Variants in THAP7 observed in about 807,000 individuals in gnomAD.
THAP7 encodes the protein THAP domain containing 7, also known as THAP domain-containing protein 7.
A neutral mutation model predicts 29.2 loss-of-function variants in THAP7; 22 were observed. The observed-to-expected ratio is 0.75, with a 90% confidence interval of 0.54 to 1.08. The LOEUF is 1.08. Ranked by LOEUF, THAP7 falls within the 50% of genes least tolerant of loss-of-function variation. The probability of loss-of-function intolerance (pLI) is 0.00; values close to 1 mark genes in which losing one functional copy is unlikely to be tolerated. For synonymous variants in THAP7, 208 were observed against 173.4 expected (o/e 1.20, Z -1.57); for missense variants, 448 against 416.2 (o/e 1.08, Z -0.66).
At chr22:21,001,463 T>A in intron 1 of THAP7, 52 bp from the exon 2 acceptor site, 1 of 1,590,170 alleles carries the variant, frequency 6.3e-7, no homozygotes, top group Non-Finnish European at 8.6e-7. Flanking sequence ...CCTGGGCTCA[T>A]GCTGCCCAAG....
Position 21,000,718 on chromosome 22 carries a change from T to G in THAP7, c.306A>C (p.Thr102=), listed in dbSNP as rs1316543452. ...GGTAACTGTGTCCTTTGGTCTTGGT[T>G]GTCCGGCGCAACTTGGAGAAAGACT... is the stretch of plus-strand genomic sequence containing the variant. The part of the protein sequence containing the change: ...IFESFSKLRR[T]TKTKGHSYPP... The change falls in exon 3 of 4, where the codon ACA becomes ACC. Residue 102 remains threonine, a synonymous_variant. Coordinates refer to ENST00000215742, the MANE Select transcript of THAP7 (RefSeq NM_030573.3). 3.1e-6 allele frequency: 5 copies of G among 1,614,182 alleles called. No individual in the cohort carries two copies. Among genetic ancestry groups the G allele is most frequent in the Non-Finnish European group, 4.2e-6 (5 of 1,180,024 alleles).
chr22:21,002,095 A>C lies in THAP7; in HGVS notation c.-184T>G. The stretch of plus-strand genomic sequence containing the variant: ...TGTCAGCGGCACTCACGCTCTGGCC[A>C]TTGCTGCGCCGCCGAAGTCTCGCGA... On this transcript the variant is annotated 5_prime_UTR_variant, in exon 1 of 4. An upstream start codon of the reference 5' UTR is lost. Transcript: ENST00000215742. 3.4e-6 allele frequency: 2 copies of C among 589,980 alleles called. No homozygotes were observed. Among genetic ancestry groups the C allele is most frequent in the South Asian group, 4.6e-5 (2 of 43,792 alleles). 36.5% of individuals were successfully genotyped at this position (589,980 alleles called of 1,614,324 possible).
chr22:21,000,407 T>G lies in THAP7; in HGVS notation c.403A>C (p.Thr135Pro). The G allele has an allele frequency of 6.4e-7, 1 of 1,552,846 alleles. No individual in the cohort carries two copies. The highest frequency in any genetic ancestry group is 8.7e-7 in the Non-Finnish European group (1 of 1,148,828). The stretch of plus-strand genomic sequence containing the variant: ...GCAGGTGGAGGTGGAGAAAATGGAG[T>G]TGTGGGCCCTCGGCCCTCGGAGCAG... ...KRCSEGRGPT[T>P]PFSPPPPADV... is the part of the protein sequence containing the mutation. Residue 135 changes from threonine (T) to proline (P), a missense_variant, in exon 4 of 4, where the codon ACT (threonine) becomes CCT (proline). Transcript: ENST00000215742.
chr22:21,001,185 T>C lies in THAP7; in HGVS notation c.236+71A>G, dbSNP rs543278353. On this transcript the variant is annotated intron_variant, in intron 2 of 3. Coordinates refer to ENST00000215742, the MANE Select transcript of THAP7 (RefSeq NM_030573.3). ...ACGCAGGCTGCTCAAGGGACTTCCATGACCTGCAGCTGTCCCAGTCCGCCG... is the reference window on the plus strand; with the variant it reads ...ACGCAGGCTGCTCAAGGGACTTCCACGACCTGCAGCTGTCCCAGTCCGCCG... 2.3e-5 allele frequency: 37 copies of C among 1,584,444 alleles called. No homozygotes were observed. In the Admixed American group the frequency reaches 4.1e-4, roughly 18 times the overall value.
chr22:21,000,686 C>G lies in THAP7; in HGVS notation c.338G>C (p.Gly113Ala). 1.2e-6 allele frequency: 2 copies of G among 1,614,134 alleles called. No homozygotes were observed. The highest frequency in any genetic ancestry group is 2.7e-5 in the African/African-American group (2 of 75,044). ...TKTKGHSYPPGPAEVSRLRRC... is the reference protein window; with the variant it reads ...TKTKGHSYPPAPAEVSRLRRC... ...TCTGAGCCGGCTGACTTCAGCGGGG[C>G]CAGGTGGGTAACTGTGTCCTTTGGT... The change falls in exon 3 of 4, where the codon GGC becomes GCC. Residue 113 changes from glycine (G) to alanine (A), a missense_variant. Transcript: ENST00000215742.
intron 1 of THAP7, chr22:21,001,617 G>T: frequency 1.1e-6 from 1 of 901,658 alleles, no homozygotes; most frequent in Non-Finnish European, 1.6e-6. Context: ...CATCTGGCAG[G>T]TAACAGAGTG....
At position 21,000,194 on chromosome 22, in the gene THAP7, G is replaced by T. The variant is rs1305915313; in HGVS notation, c.616C>A (p.Pro206Thr). The change falls in exon 4 of 4, where the codon CCA becomes ACA. Residue 206 changes from proline (P) to threonine (T), a missense_variant. Physicochemically the swap from Pro to Thr is conservative, Grantham distance 38. Transcript: ENST00000215742. Reference sequence around the variant, plus strand: ...TACGCTGAGGGGGAGACTGGCCGTGGTTCGAGAGGGGAGGGCTGCCGCTCT... The same window carrying T: ...TACGCTGAGGGGGAGACTGGCCGTGTTTCGAGAGGGGAGGGCTGCCGCTCT... ...SPERQPSPLE[P>T]RPVSPSAYML... 5 of 1,560,544 alleles carry T rather than the reference G, an allele frequency of 3.2e-6. No homozygotes were observed. Among genetic ancestry groups the T allele is most frequent in the Non-Finnish European group, 4.3e-6 (5 of 1,152,560 alleles).
At chr22:21,001,477 C>T in intron 1 of THAP7, 66 bp from the exon 2 acceptor site, 1 of 1,558,138 alleles carries the variant, frequency 6.4e-7, no homozygotes, top group South Asian at 1.2e-5. Context: ...GCCCAAGCAC[C>T]CCAGAGGGGA....
intron 2 of THAP7, 115 bp downstream of exon 2, chr22:21,001,141 C>A (rs1925141904): frequency 6.8e-7 from 1 of 1,461,346 alleles, no homozygotes; most frequent in Non-Finnish European, 9.3e-7. Flanking sequence ...GAGCTGGGAA[C>A]AGGAAACAGC....
chr22:21,000,921 G>T (rs916432459), intron 2 of THAP7, 134 bp from the exon 3 acceptor site: 6 of 1,388,748 alleles, frequency 4.3e-6, no homozygotes, highest in Non-Finnish European at 5.9e-6. Context: ...CCAAGTTACA[G>T]CTACACCAAT....
In THAP7 at chr22:21,002,094, C is replaced by G. The variant is rs1415987744; in HGVS notation, c.-183G>C. The G allele has an allele frequency of 1.7e-6, 1 of 590,738 alleles. No homozygotes were observed. Among genetic ancestry groups the G allele is most frequent in the African/African-American group, 2.0e-5 (1 of 50,544 alleles). The allele number at this position is 590,738 out of a possible 1,614,324, so 36.6% of individuals were successfully genotyped here. A position where few individuals can be genotyped will look rare whatever the true frequency, so the allele number is the denominator to read the frequency against. On this transcript the variant is annotated 5_prime_UTR_variant, in exon 1 of 4. The change abolishes an upstream ATG in the 5' untranslated region. Transcript: ENST00000215742. ...CTGTCAGCGGCACTCACGCTCTGGC[C>G]ATTGCTGCGCCGCCGAAGTCTCGCG... is the stretch of plus-strand genomic sequence containing the variant.
At chr22:21,001,097 G>A in intron 2 of THAP7, 159 bp downstream of exon 2, 1 of 1,110,960 alleles carries the variant, frequency 9.0e-7, no homozygotes, top group Non-Finnish European at 1.3e-6. Flanking sequence ...TGTGTCACAG[G>A]CACAGTGATC....
Position 21,000,021 on chromosome 22 carries a change from C to A in THAP7, c.789G>T (p.Arg263=), listed in dbSNP as rs189794457. Residue 263 remains arginine, a synonymous_variant, in exon 4 of 4, where the codon CGG becomes CGT. Coordinates refer to ENST00000215742, the MANE Select transcript of THAP7 (RefSeq NM_030573.3). ...GTCTCAACCGCAGCCGCTGCTCCCG[C>A]CGCTTGCAGGCCTGCAGCTGGCGCT... ...KAQRQLQACK[R]REQRLRLRLT... is the part of the protein sequence containing the mutation. 1.2e-6 allele frequency: 2 copies of A among 1,612,940 alleles called. No homozygotes were observed. The highest frequency in any genetic ancestry group is 1.3e-5 in the African/African-American group (1 of 75,066).
At chr22:21,001,514 G>A (rs975135640) in intron 1 of THAP7, 103 bp from the exon 2 acceptor site, 60 of 1,490,244 alleles carry the variant, frequency 4.0e-5, no homozygotes, top group Admixed American at 8.6e-5. Context: ...GCGCCGCCAC[G>A]AGACCTCCCT....
chr22:21,000,951 T>G, intron 2 of THAP7, 164 bp from the exon 3 acceptor site: 1 of 1,114,414 alleles, frequency 9.0e-7, no homozygotes, highest in East Asian at 2.5e-5. Flanking sequence ...GCAGGACTCC[T>G]CACAGTCCAG....
chr22:21,000,481 A>G (rs1336365053), intron 3 of THAP7, 49 bp from the exon 4 acceptor site: 1 of 1,536,946 alleles, frequency 6.5e-7, no homozygotes, highest in Non-Finnish European at 8.7e-7. Flanking sequence ...AGGGCTTGCC[A>G]GACCCCCCTC....
intron 1 of THAP7, 144 bp downstream of exon 1, chr22:21,001,688 C>T (rs1048256358): frequency 8.7e-6 from 9 of 1,030,734 alleles, no homozygotes; most frequent in Non-Finnish European, 1.1e-5. Flanking sequence ...TCAGTCCCGC[C>T]GGGACCGTTC....
chr22:20,999,992 G>A lies in THAP7; in HGVS notation c.818C>T (p.Thr273Ile), dbSNP rs138377774. 6.2e-7 allele frequency: 1 copy of A among 1,612,784 alleles called. No individual in the cohort carries two copies. The highest frequency in any genetic ancestry group is 1.3e-5 in the African/African-American group (1 of 75,050). ...CCGTGCCCGCTCCTGCTGCAGCTTG[G>A]TCAGTCTCAACCGCAGCCGCTGCTC... ...RREQRLRLRL[T>I]KLQQERAREK... The change falls in exon 4 of 4, where the codon ACC becomes ATC. Residue 273 changes from threonine to isoleucine, a missense_variant. Transcript: ENST00000215742.
intron 2 of THAP7, 63 bp from the exon 3 acceptor site, chr22:21,000,850 C>T: frequency 1.2e-6 from 2 of 1,604,604 alleles, no homozygotes; most frequent in Non-Finnish European, 1.7e-6. Flanking sequence ...GCCAATCTGC[C>T]CCCAGCAGCA....
Sources: allele counts gnomAD v4.1 joint callset, GRCh38; gene constraint gnomAD v4.1.1; transcripts MANE v1.5; gene names NCBI Gene and HGNC (gene_info 2026-07-23, HGNC 2026-07-21).